NDUFA7: variants seen among roughly 807,000 people sequenced by gnomAD.
NDUFA7 encodes NADH dehydrogenase [ubiquinone] 1 alpha subcomplex subunit 7.
In NDUFA7, 18 loss-of-function variants were observed where a neutral mutation model predicts 14.2. The observed-to-expected ratio is 1.27, with a 90% confidence interval of 0.88 to 1.88. The LOEUF (loss-of-function observed/expected upper bound fraction) is 1.88, where lower values mean the gene tolerates loss of function less well. Ranked by LOEUF, NDUFA7 falls within the 40% of genes most tolerant of loss-of-function variation. The pLI, the probability that NDUFA7 is intolerant of heterozygous loss-of-function variation, is 0.00. For synonymous variants in NDUFA7, 75 were observed against 62.1 expected, an observed-to-expected ratio of 1.21 and a Z score of -0.98; for missense variants, 172 against 147.3, an observed-to-expected ratio of 1.17 and a Z score of -0.87.
At chr19:8,316,945 G>A (rs971653572) in intron 2 of NDUFA7, 74 of 263,418 alleles carry the variant, frequency 2.8e-4, no homozygotes, top group African/African-American at 1.7e-3. Context: ...CCCGGGACAT[G>A]TCCCCATGCC....
intron 2 of NDUFA7, among the ~76,000 whole-genome samples, chr19:8,317,890 G>A (rs1970254384): frequency 6.6e-6 from 1 of 152,138 alleles, no homozygotes. Flanking sequence ...CCAGGTTGAT[G>A]TCGAATTCCT....
chr19:8,315,925 C>T (rs1006162907), intron 3 of NDUFA7, among the ~76,000 whole-genome samples: 23 of 151,938 alleles, frequency 1.5e-4, no homozygotes, highest in South Asian at 4.2e-4. Flanking sequence ...GAGGCCGAGT[C>T]GGGTGGATCA....
chr19:8,318,732 G>A (rs1353335328), intron 2 of NDUFA7, among the ~76,000 whole-genome samples: 1 of 148,376 alleles, frequency 6.7e-6, no homozygotes, highest in Non-Finnish European at 1.5e-5. Context: ...CCAGCACTTT[G>A]GGAGGCCGAG....
chr19:8,319,119 TG>T (rs554836889), intron 2 of NDUFA7, among the ~76,000 whole-genome samples: 2 of 120,254 alleles, frequency 1.7e-5, no homozygotes, highest in East Asian at 2.6e-4. Context: ...GGTCGGGGGT[TG>T]GGGGGGAGAG....
intron 2 of NDUFA7, among the ~76,000 whole-genome samples, chr19:8,320,365 C>G (rs1280729325): frequency 6.6e-6 from 1 of 152,186 alleles, no homozygotes; most frequent in Non-Finnish European, 1.5e-5. Context: ...TAGAATGTGG[C>G]GTCCATGAAA....
At chr19:8,321,195 G>A in intron 1 of NDUFA7, 113 bp downstream of exon 1, 3 of 1,293,122 alleles carry the variant, frequency 2.3e-6, no homozygotes, top group South Asian at 2.9e-5. Flanking sequence ...TTCCCAGGGA[G>A]ATTCGGGGAG....
intron 2 of NDUFA7, among the ~76,000 whole-genome samples, chr19:8,318,206 T>A (rs1970258354): frequency 1.3e-5 from 2 of 151,726 alleles, no homozygotes; most frequent in Admixed American, 1.3e-4. Flanking sequence ...GCTAGAGTGC[T>A]GTGGTGCGAT....
downstream of NDUFA7, chr19:8,310,680 AAC>A (rs1260462914): frequency 6.6e-6 from 1 of 152,202 alleles, no homozygotes; most frequent in Non-Finnish European, 1.5e-5. Context: ...CTGGAGTGCC[AAC>A]AGAGTTGGGA....
chr19:8,316,575 C>A lies in NDUFA7; in HGVS notation c.172G>T (p.Asp58Tyr). 1 of 1,614,128 alleles carries A rather than the reference C, an allele frequency of 6.2e-7. No homozygotes were observed. The highest frequency in any genetic ancestry group is 1.3e-5 in the African/African-American group (1 of 75,032). ...KLSNNYYCTRDGRRESVPPSI... is the reference protein window; with the variant it reads ...KLSNNYYCTRYGRRESVPPSI... ...GGGGGCACAGATTCCCGGCGGCCAT[C>A]GCGAGTGCAATAGTAATTGTTGGAG... The change falls in exon 3 of 4, where the codon GAT becomes TAT. Residue 58 changes from aspartate to tyrosine, a missense_variant. By Grantham distance (160) the Asp-to-Tyr change is radical (BLOSUM62 -3). Coordinates refer to ENST00000301457, the MANE Select transcript of NDUFA7 (RefSeq NM_005001.5).
Position 8,316,485 on chromosome 19 carries a change from GAGATCCTCAC to G in NDUFA7, c.251+1_251+10del. ...ATGGGGGCTGTGGTGAGCAGCGCTG[GAGATCCTCAC>G]CTCTCTGCTGGCTTGCCTGACACCA... On this transcript the variant is annotated splice_donor_variant and splice_donor_5th_base_variant and intron_variant, in intron 3 of 3. Transcript: ENST00000301457. LOFTEE classifies it high-confidence loss of function. 6.2e-7 allele frequency: 1 copy of G among 1,613,576 alleles called. No homozygotes were observed. The highest frequency in any genetic ancestry group is 8.5e-7 in the Non-Finnish European group (1 of 1,179,792).
chr19:8,316,279 T>C (rs2972570), intron 3 of NDUFA7, among the ~76,000 whole-genome samples: 67,415 of 151,742 alleles, frequency 0.44, 17,091 homozygotes, highest in African/African-American at 0.7. Flanking sequence ...GAGTGATGAT[T>C]GCGCCATTGC....
chr19:8,312,106 T>C (rs1046980662), intron 3 of NDUFA7, among the ~76,000 whole-genome samples: 1 of 152,120 alleles, frequency 6.6e-6, no homozygotes, highest in Non-Finnish European at 1.5e-5. Context: ...TGAGAATCCA[T>C]GCGCAAATGG....
At chr19:8,319,874 G>A (rs1020448769) in intron 2 of NDUFA7, among the ~76,000 whole-genome samples, 1 of 151,942 alleles carries the variant, frequency 6.6e-6, no homozygotes, top group African/African-American at 2.4e-5. Context: ...GAGACAGAGT[G>A]TTGTTCTGTC....
chr19:8,311,686 C>A, intron 3 of NDUFA7, 91 bp from the exon 4 acceptor site: 1 of 1,068,562 alleles, frequency 9.4e-7, no homozygotes, highest in Non-Finnish European at 1.4e-6. Context: ...CAAACACACC[C>A]ACAGGGACTT....
chr19:8,316,839 G>A lies in NDUFA7; in HGVS notation c.102-194C>T, dbSNP rs1970241650. The A allele has an allele frequency of 2.9e-5, 18 of 612,192 alleles. No individual in the cohort carries two copies. In the South Asian group the frequency reaches 3.6e-4, roughly 12 times the overall value. 37.9% of individuals were successfully genotyped at this position (612,192 alleles called of 1,614,324 possible). ...AGGGGTCCTGGGGCCAGAAGCAGAT[G>A]GTGGACCCTGCTCTGGATGTGAAGA... On this transcript the variant is annotated intron_variant, in intron 2 of 3. Coordinates refer to ENST00000301457, the MANE Select transcript of NDUFA7 (RefSeq NM_005001.5).
chr19:8,321,084 C>A, intron 1 of NDUFA7, 178 bp from the exon 2 acceptor site: 1 of 870,790 alleles, frequency 1.1e-6, no homozygotes, highest in East Asian at 2.6e-5. Flanking sequence ...TCCGGGCCCA[C>A]AGATCCAAGG....
chr19:8,318,081 G>T (rs1382291898), intron 2 of NDUFA7, among the ~76,000 whole-genome samples: 3 of 152,098 alleles, frequency 2.0e-5, no homozygotes, highest in African/African-American at 7.2e-5. Flanking sequence ...TTTGCTTAAG[G>T]AGGCTGGATG....
downstream of NDUFA7, among the ~76,000 whole-genome samples, chr19:8,309,310 CCAAAAATA>C (rs1256251966): frequency 1.3e-5 from 2 of 152,070 alleles, no homozygotes; most frequent in Non-Finnish European, 2.9e-5. Flanking sequence ...CCCGTCTCTA[CCAAAAATA>C]CAAAAATTAG....
intron 1 of NDUFA7, 89 bp downstream of exon 1, chr19:8,321,218 CG>C (rs1970304544): frequency 7.2e-7 from 1 of 1,395,570 alleles, no homozygotes; most frequent in East Asian, 2.5e-5. Context: ...CGAAGGGTCC[CG>C]GCTTAGGAGG....
Sources: gnomAD v4.1 joint callset for allele counts (sites outside exome capture counted in the v4.1 genomes callset) on GRCh38, gnomAD v4.1.1 for gene constraint, MANE v1.5 for transcripts, NCBI Gene and HGNC (gene_info 2026-07-23, HGNC 2026-07-21) for gene names.